The following BAZ2B variants were observed in gnomAD, a reference collection of about 807,000 sequenced individuals.
The protein encoded by BAZ2B is bromodomain adjacent to zinc finger domain protein 2B.
In BAZ2B, 91 loss-of-function variants were observed where a neutral mutation model predicts 246.0. The ratio of observed to expected loss-of-function variants is 0.37; its 90% CI spans 0.31 to 0.44. The LOEUF (loss-of-function observed/expected upper bound fraction) is 0.44, where lower values mean the gene tolerates loss of function less well. Ranked by LOEUF, BAZ2B falls within the 20% of genes least tolerant of loss-of-function variation. BAZ2B has a pLI of 1.00. For synonymous variants in BAZ2B, 855 were observed against 860.0 expected (o/e 0.99, Z 0.10); for missense variants, 2,332 against 2,533.7 (o/e 0.92, Z 1.71).
rs117768094 is a variant in BAZ2B at position 159,599,157 on chromosome 2, T to C, written c.-46+17085A>G. The stretch of plus-strand genomic sequence containing the variant: ...AGCAACTGACGTTTTACCTAGAGTG[T>C]CATATTTGAGAACGATGCTTACTTA... On this transcript the variant is annotated intron_variant, in intron 1 of 36. Coordinates refer to ENST00000392783, the MANE Select transcript of BAZ2B (RefSeq NM_013450.4). Among the ~76,000 whole-genome samples, 446 of 152,196 alleles carry C rather than the reference T, an allele frequency of 2.9e-3. 13 individuals carry two copies. The East Asian group carries it at 0.071, about 24-fold the overall frequency.
At chr2:159,574,130 C>CACACACAT (rs1290264194) in intron 1 of BAZ2B, among the ~76,000 whole-genome samples, 7 of 108,354 alleles carry the variant, frequency 6.5e-5, no homozygotes, top group Admixed American at 8.8e-5. Flanking sequence ...GACACACACA[C>CACACACAT]ACACACACAC....
the BAZ2B span, among the ~76,000 whole-genome samples, chr2:159,687,867 G>C: frequency 6.6e-6 from 1 of 152,100 alleles, no homozygotes; most frequent in South Asian, 2.1e-4. Flanking sequence ...CTAACTCTAG[G>C]TGGATAGCAT....
intron 36 of BAZ2B, among the ~76,000 whole-genome samples, chr2:159,323,395 T>C (rs1055638766): frequency 1.3e-5 from 2 of 152,214 alleles, no homozygotes; most frequent in Non-Finnish European, 2.9e-5. Context: ...TCATGGAAGT[T>C]AAAATCAAGA....
chr2:159,682,916 C>A, the BAZ2B span, among the ~76,000 whole-genome samples: 38,651 of 148,676 alleles, frequency 0.26, 6,483 homozygotes, highest in Admixed American at 0.43. Context: ...CCCTCCCCCC[C>A]CCCACACACA....
rs1161925761 is a variant in BAZ2B, at chr2:159,438,474, T to C, written c.1122A>G (p.Val374=). 5 of 1,614,210 alleles carry C rather than the reference T, an allele frequency of 3.1e-6. No individual in the cohort carries two copies. In the Admixed American group the frequency reaches 6.7e-5, roughly 22 times the overall value. Residue 374 remains valine (V), a synonymous_variant, in exon 8 of 37, where the codon GTA becomes GTG. Coordinates refer to ENST00000392783, the MANE Select transcript of BAZ2B (RefSeq NM_013450.4). ...KEESVNKHTS[V]IQSTGLVSNV... is the part of the protein sequence containing the mutation. ...TGGACACCAATCCCGTAGACTGTAT[T>C]ACACTGGTGTGTTTGTTCACAGATT...
chr2:159,372,267 T>C (rs1023130158), intron 27 of BAZ2B, among the ~76,000 whole-genome samples: 2 of 152,208 alleles, frequency 1.3e-5, no homozygotes, highest in African/African-American at 2.4e-5. Flanking sequence ...GGGACAAAAG[T>C]GTTAATGTTA....
chr2:159,569,575 T>C (rs928781410), intron 1 of BAZ2B, among the ~76,000 whole-genome samples: 5 of 152,162 alleles, frequency 3.3e-5, no homozygotes, highest in Admixed American at 1.3e-4. Context: ...AAGTAACATA[T>C]AATAAAAGAT....
intron 11 of BAZ2B, 85 bp downstream of exon 11, chr2:159,429,115 T>C: frequency 1.1e-6 from 1 of 893,564 alleles, no homozygotes; most frequent in Non-Finnish European, 1.6e-6. Context: ...CTTCTATTAA[T>C]TGTAGAGAAT....
At chr2:159,389,262 A>T (rs2063036603) in intron 21 of BAZ2B, 83 bp downstream of exon 21, 8 of 1,340,134 alleles carry the variant, frequency 6.0e-6, no homozygotes, top group Non-Finnish European at 8.0e-6. Context: ...CTTTCACAAT[A>T]GCAGCTCTGG....
chr2:159,461,036 A>C (rs1204640125), intron 3 of BAZ2B: 3 of 152,594 alleles, frequency 2.0e-5, no homozygotes, highest in South Asian at 2.1e-4. Context: ...ATTTTATTTG[A>C]AATAAACAAA....
Position 159,446,982 on chromosome 2 carries a change from A to T in BAZ2B, c.503-7T>A. The stretch of plus-strand genomic sequence containing the variant: ...TTTATTGACCCATTTACACCTTGAA[A>T]ATAAAAATAAACATGTTTATACAAT... On this transcript the variant is annotated splice_region_variant and splice_polypyrimidine_tract_variant and intron_variant, in intron 5 of 36. Coordinates refer to ENST00000392783, the MANE Select transcript of BAZ2B (RefSeq NM_013450.4). The T allele has an allele frequency of 6.5e-7, 1 of 1,530,084 alleles. No homozygotes were observed. The highest frequency in any genetic ancestry group is 8.8e-7 in the Non-Finnish European group (1 of 1,136,666). 94.8% of individuals were successfully genotyped at this position (1,530,084 alleles called of 1,614,324 possible).
chr2:159,523,082 CACA>C (rs984239105), intron 2 of BAZ2B, among the ~76,000 whole-genome samples: 15 of 151,920 alleles, frequency 9.9e-5, no homozygotes, highest in Non-Finnish European at 1.9e-4. Context: ...GCCCAGGCAA[CACA>C]ACGAGACCCC....
chr2:159,650,793 T>C, the BAZ2B span, among the ~76,000 whole-genome samples: 165 of 152,290 alleles, frequency 1.1e-3, no homozygotes, highest in Non-Finnish European at 1.7e-3. Context: ...GTTCCTCTTT[T>C]GTGTGACAGA....
At chr2:159,443,938 C>G (rs2073868556) in intron 6 of BAZ2B, among the ~76,000 whole-genome samples, 1 of 152,042 alleles carries the variant, frequency 6.6e-6, no homozygotes, top group Non-Finnish European at 1.5e-5. Flanking sequence ...GTAGAGGCAA[C>G]AAAGATTTTA....
the BAZ2B span, among the ~76,000 whole-genome samples, chr2:159,709,705 T>C: frequency 6.6e-6 from 1 of 152,318 alleles, no homozygotes; most frequent in South Asian, 2.1e-4. Flanking sequence ...GAGAAGCTTT[T>C]TAGAAGATTA....
intron 24 of BAZ2B, among the ~76,000 whole-genome samples, chr2:159,383,018 T>C (rs1016099069): frequency 6.6e-6 from 1 of 152,094 alleles, no homozygotes; most frequent in African/African-American, 2.4e-5. Context: ...TAGATATCTC[T>C]TTGGAATTAG....
intron 10 of BAZ2B, among the ~76,000 whole-genome samples, chr2:159,430,045 C>T (rs961193664): frequency 1.3e-5 from 2 of 152,004 alleles, no homozygotes; most frequent in Admixed American, 6.6e-5. Flanking sequence ...GGACATGGCA[C>T]GTTAATGGAA....
chr2:159,364,416 A>G (rs1306605765), intron 27 of BAZ2B, among the ~76,000 whole-genome samples: 1 of 152,120 alleles, frequency 6.6e-6, no homozygotes, highest in Non-Finnish European at 1.5e-5. Flanking sequence ...TTTTCGAGAC[A>G]GGGTCTTGCT....
intron 25 of BAZ2B, among the ~76,000 whole-genome samples, chr2:159,381,370 T>G (rs2061981038): frequency 1.3e-5 from 2 of 152,058 alleles, no homozygotes; most frequent in African/African-American, 4.8e-5. Context: ...CTGCCCCCAA[T>G]TATCTACTTA....
Sources: gnomAD v4.1 joint callset for allele counts (sites outside exome capture counted in the v4.1 genomes callset) on GRCh38, gnomAD v4.1.1 for gene constraint, MANE v1.5 for transcripts, NCBI Gene and HGNC (gene_info 2026-07-23, HGNC 2026-07-21) for gene names.